The following FHIT variants were observed in gnomAD, a reference collection of about 807,000 sequenced individuals.
The protein encoded by FHIT is fragile histidine triad diadenosine triphosphatase.
FHIT carries 19 observed loss-of-function variants against 17.9 expected under a neutral mutation model. The ratio of observed to expected loss-of-function variants is 1.06; its 90% CI spans 0.74 to 1.56. The LOEUF (loss-of-function observed/expected upper bound fraction) is 1.56, where lower values mean the gene tolerates loss of function less well. Ranked by LOEUF, FHIT falls within the 40% of genes most tolerant of loss-of-function variation. The probability of loss-of-function intolerance (pLI) is 0.00; values close to 1 mark genes in which losing one functional copy is unlikely to be tolerated. For synonymous variants in FHIT, 81 were observed against 69.7 expected (o/e 1.16, Z -0.81); for missense variants, 248 against 189.2 (o/e 1.31, Z -1.82).
At position 60,536,970 on chromosome 3, in the gene FHIT, C is replaced by A; in HGVS notation, c.-8G>T. On this transcript the variant is annotated 5_prime_UTR_variant, in exon 5 of 10. Coordinates refer to ENST00000492590, the MANE Select transcript of FHIT (RefSeq NM_002012.4). ...GCCAAATCTGAACGACATGTCCTCACAGTTGAAGTCTAAAAGAAAAGACAA... is the reference window on the plus strand; with the variant it reads ...GCCAAATCTGAACGACATGTCCTCAAAGTTGAAGTCTAAAAGAAAAGACAA... 6.3e-7 allele frequency: 1 copy of A among 1,598,736 alleles called. No individual in the cohort carries two copies. Among genetic ancestry groups the A allele is most frequent in the Non-Finnish European group, 8.5e-7 (1 of 1,175,164 alleles).
intron 2 of FHIT, among the ~76,000 whole-genome samples, chr3:61,088,733 C>A (rs2035382840): frequency 6.7e-6 from 1 of 149,300 alleles, no homozygotes; most frequent in East Asian, 1.9e-4. Flanking sequence ...TTCCTTTCTA[C>A]TTCTCTAACA....
intron 5 of FHIT, among the ~76,000 whole-genome samples, chr3:60,346,497 C>G (rs751781207): frequency 8.5e-5 from 13 of 152,194 alleles, no homozygotes; most frequent in Non-Finnish European, 1.3e-4. Context: ...GGGGAGGAGC[C>G]TGTGCTCTTC....
At chr3:60,842,653 T>A (rs868920044) in intron 3 of FHIT, among the ~76,000 whole-genome samples, 2,958 of 89,784 alleles carry the variant, frequency 0.033, 55 homozygotes, top group Middle Eastern at 0.086. Flanking sequence ...ATATTTTTTT[T>A]TTTTTTTTTT....
At position 59,748,247 on chromosome 3, in the gene FHIT, A is replaced by G. The variant is rs1017007915; in HGVS notation, c.*1338T>C. ...ATATATACTAAAATTCAAAAAGTGA[A>G]TCAAGTAAATAATGCTCTAGGTGGT... On this transcript the variant is annotated 3_prime_UTR_variant, in exon 10 of 10. Coordinates refer to ENST00000492590, the MANE Select transcript of FHIT (RefSeq NM_002012.4). Among the ~76,000 whole-genome samples, 6 of 152,204 alleles carry G rather than the reference A, an allele frequency of 3.9e-5. No homozygotes were observed. The highest frequency in any genetic ancestry group is 7.3e-5 in the Non-Finnish European group (5 of 68,028).
intron 4 of FHIT, among the ~76,000 whole-genome samples, chr3:60,580,062 T>C (rs142545444): frequency 7.2e-5 from 11 of 152,258 alleles, no homozygotes; most frequent in African/African-American, 1.7e-4. Context: ...ACATCTCTCA[T>C]TGGTGATGAA....
At chr3:59,823,937 A>C (rs1575552552) in intron 8 of FHIT, among the ~76,000 whole-genome samples, 3 of 152,316 alleles carry the variant, frequency 2.0e-5, no homozygotes, top group African/African-American at 7.2e-5. Context: ...ATGATCATAT[A>C]CCTAGGAAAC....
At chr3:60,240,817 G>C (rs181082047) in intron 5 of FHIT, among the ~76,000 whole-genome samples, 167 of 152,132 alleles carry the variant, frequency 1.1e-3, no homozygotes, top group African/African-American at 3.8e-3. Context: ...AAACCTATTA[G>C]CAACCCTCAG....
At chr3:60,557,946 A>G (rs2036798609) in intron 4 of FHIT, among the ~76,000 whole-genome samples, 1 of 152,078 alleles carries the variant, frequency 6.6e-6, no homozygotes, top group Non-Finnish European at 1.5e-5. Flanking sequence ...GTTTCATTGC[A>G]AAAATGAGGA....
chr3:60,892,186 G>C (rs1428611134), intron 3 of FHIT, among the ~76,000 whole-genome samples: 2 of 152,158 alleles, frequency 1.3e-5, no homozygotes, highest in Admixed American at 6.5e-5. Context: ...TTCCAGGTTT[G>C]TTTGGTTTTT....
chr3:60,515,576 T>A lies in FHIT; in HGVS notation c.103+21284A>T, dbSNP rs866772459. On this transcript the variant is annotated intron_variant, in intron 5 of 9. Transcript: ENST00000492590. ...ACAAAGGGAAGTTTGGGCTTTAATT[T>A]AAAAAAAAAAAAAAAATGTTCACGG... is the stretch of plus-strand genomic sequence containing the variant. Among the ~76,000 whole-genome samples the A allele has an allele frequency of 4.8e-4, 69 of 144,202 alleles. 1 individual carries two copies. Among genetic ancestry groups the A allele is most frequent in the South Asian group, 2.5e-3 (11 of 4,482 alleles). 94.6% of individuals were successfully genotyped at this position (144,202 alleles called of 152,430 possible).
intron 5 of FHIT, among the ~76,000 whole-genome samples, chr3:60,170,909 G>C (rs1312480348): frequency 6.6e-6 from 1 of 152,022 alleles, no homozygotes; most frequent in African/African-American, 2.4e-5. Context: ...CTAAGAACAA[G>C]GCATGCAATC....
At chr3:60,980,349 A>G (rs545970531) in intron 3 of FHIT, among the ~76,000 whole-genome samples, 1 of 152,370 alleles carries the variant, frequency 6.6e-6, no homozygotes, top group South Asian at 2.1e-4. Flanking sequence ...ATGAAGCAAC[A>G]ATATAAGGAA....
chr3:59,873,054 A>G (rs928834856), intron 8 of FHIT, among the ~76,000 whole-genome samples: 1 of 152,206 alleles, frequency 6.6e-6, no homozygotes, highest in Non-Finnish European at 1.5e-5. Flanking sequence ...GCTGGGTTAG[A>G]GATATTTTTG....
intron 5 of FHIT, among the ~76,000 whole-genome samples, chr3:60,199,224 G>A (rs534773378): frequency 6.6e-6 from 1 of 152,248 alleles, no homozygotes; most frequent in South Asian, 2.1e-4. Context: ...TGAACTAGTA[G>A]AGCAGCCTGA....
At chr3:60,751,070 G>A (rs1323294525) in intron 4 of FHIT, among the ~76,000 whole-genome samples, 4 of 152,198 alleles carry the variant, frequency 2.6e-5, no homozygotes, top group Non-Finnish European at 5.9e-5. Flanking sequence ...GTCCAGTGTT[G>A]TTCAGTCATC....
chr3:60,036,815 T>C (rs901584301), intron 5 of FHIT, among the ~76,000 whole-genome samples: 1 of 152,196 alleles, frequency 6.6e-6, no homozygotes, highest in Non-Finnish European at 1.5e-5. Flanking sequence ...TAGAGACACA[T>C]TGGGCCATAT....
chr3:60,099,145 G>C (rs553098345), intron 5 of FHIT, among the ~76,000 whole-genome samples: 1 of 152,230 alleles, frequency 6.6e-6, no homozygotes, highest in Admixed American at 6.5e-5. Context: ...GCTGTTGCCT[G>C]AACATACCCC....
intron 5 of FHIT, among the ~76,000 whole-genome samples, chr3:60,266,076 A>G (rs58486311): frequency 0.011 from 1,742 of 152,156 alleles, 29 homozygotes; most frequent in African/African-American, 0.039. Flanking sequence ...AAATGAAAAC[A>G]TATGTTCACA....
chr3:59,752,172 T>G, intron 9 of FHIT, 49 bp downstream of exon 9: 1 of 1,355,704 alleles, frequency 7.4e-7, no homozygotes, highest in Non-Finnish European at 1.0e-6. Context: ...GCAGCCTCTT[T>G]CCTGAGGCCC....
Sources: gnomAD v4.1 joint callset for allele counts (sites outside exome capture counted in the v4.1 genomes callset) on GRCh38, gnomAD v4.1.1 for gene constraint, MANE v1.5 for transcripts, NCBI Gene and HGNC (gene_info 2026-07-23, HGNC 2026-07-21) for gene names.